Variants in NALCN observed in about 807,000 individuals in gnomAD.
NALCN encodes sodium leak channel NALCN.
A neutral mutation model predicts 225.3 loss-of-function variants in NALCN; 111 were observed. The observed-to-expected ratio is 0.49, with a 90% CI of 0.42 to 0.58. The LOEUF (loss-of-function observed/expected upper bound fraction) is 0.58. Ranked by LOEUF, NALCN falls within the 20% of genes least tolerant of loss-of-function variation. The pLI is 0.00. For synonymous variants in NALCN, 764 were observed against 769.0 expected (o/e 0.99, Z 0.11); for missense variants, 1,378 against 2,202.4 (o/e 0.63, Z 7.49).
chr13:101,317,681 T>C (rs1230826193), intron 7 of NALCN, among the ~76,000 whole-genome samples: 1 of 152,132 alleles, frequency 6.6e-6, no homozygotes. Flanking sequence ...ATGGACGCCC[T>C]CTCTTCCTGT....
chr13:101,413,780 A>G (rs1208893878), intron 1 of NALCN, among the ~76,000 whole-genome samples: 3 of 152,216 alleles, frequency 2.0e-5, no homozygotes, highest in Admixed American at 6.5e-5. Context: ...ATTTGCATAG[A>G]GTTTGAAGGT....
chr13:101,067,502 A>G (rs2032520904), intron 39 of NALCN, among the ~76,000 whole-genome samples: 1 of 152,200 alleles, frequency 6.6e-6, no homozygotes, highest in African/African-American at 2.4e-5. Context: ...AAATAATCCA[A>G]TACACACCTT....
chr13:101,296,174 A>G (rs1206690850), intron 7 of NALCN, among the ~76,000 whole-genome samples: 1 of 152,080 alleles, frequency 6.6e-6, no homozygotes, highest in Admixed American at 6.6e-5. Context: ...TGAATTCTCT[A>G]CCTTGTTTGT....
At chr13:101,395,394 G>A (rs773681671) in intron 2 of NALCN, 29 bp from the exon 3 acceptor site, 9 of 1,602,068 alleles carry the variant, frequency 5.6e-6, no homozygotes, top group South Asian at 2.2e-5. Context: ...GTTACTACAC[G>A]GCACCATAAC....
Position 101,103,185 on chromosome 13 carries a change from T to C in NALCN, c.3044A>G (p.Lys1015Arg), listed in dbSNP as rs762282214. The change falls in exon 26 of 44, where the codon AAG (lysine) becomes AGG (arginine). Residue 1015 changes from lysine to arginine, a missense_variant. Around this residue, in one of 19 missense-constraint regions of NALCN, gnomAD observed 292 missense variants for 409.5 expected, o/e 0.71. Transcript: ENST00000251127. Reference sequence around the variant, plus strand: ...ATTCTCACATACCAAAAAAATTTCCTTGAAGCCGCTGAAAAGTTCTCGAAC... The same window carrying C: ...ATTCTCACATACCAAAAAAATTTCCCTGAAGCCGCTGAAAAGTTCTCGAAC... ...KVVRELFSGF[K>R]EIFLVSILLL... 2 of 1,612,946 alleles carry C rather than the reference T, an allele frequency of 1.2e-6. No homozygotes were observed. Among genetic ancestry groups the C allele is most frequent in the Non-Finnish European group, 1.7e-6 (2 of 1,179,636 alleles).
intron 6 of NALCN, 51 bp from the exon 7 acceptor site, chr13:101,345,471 G>A: frequency 6.3e-7 from 1 of 1,580,620 alleles, no homozygotes. Flanking sequence ...CATAAATGTT[G>A]ATTACAATGA....
Position 101,230,745 on chromosome 13 carries a change from C to T in NALCN, c.1435-1161G>A, listed in dbSNP as rs558895784. Reference sequence around the variant, plus strand: ...TTCCCTGCATACTTACCAACTGCTGCAGAGAAATAAACTTCTGTCTTATGT... The same window carrying T: ...TTCCCTGCATACTTACCAACTGCTGTAGAGAAATAAACTTCTGTCTTATGT... On this transcript the variant is annotated intron_variant, in intron 12 of 43. Coordinates refer to ENST00000251127, the MANE Select transcript of NALCN (RefSeq NM_052867.4). Among the ~76,000 whole-genome samples, 28 of 152,256 alleles carry T rather than the reference C, an allele frequency of 1.8e-4. No homozygotes were observed. In the South Asian group the frequency reaches 5.4e-3, roughly 29 times the overall value.
chr13:101,135,533 G>A (rs1360807729), intron 17 of NALCN, among the ~76,000 whole-genome samples: 1 of 152,306 alleles, frequency 6.6e-6, no homozygotes, highest in East Asian at 1.9e-4. Flanking sequence ...CGAGTAGCTG[G>A]GACTATAGTT....
At chr13:101,231,247 A>G (rs142465854) in intron 12 of NALCN, among the ~76,000 whole-genome samples, 348 of 152,206 alleles carry the variant, frequency 2.3e-3, no homozygotes, top group African/African-American at 8.3e-3. Context: ...GATGTTTTGC[A>G]TACTCACATT....
At chr13:101,294,548 A>C (rs2043666324) in intron 7 of NALCN, among the ~76,000 whole-genome samples, 1 of 148,736 alleles carries the variant, frequency 6.7e-6, no homozygotes, top group South Asian at 2.1e-4. Flanking sequence ...ATAATGGCTA[A>C]GTTTATTGTT....
At chr13:101,143,426 T>C (rs1365110347) in intron 16 of NALCN, among the ~76,000 whole-genome samples, 1 of 152,190 alleles carries the variant, frequency 6.6e-6, no homozygotes, top group Non-Finnish European at 1.5e-5. Context: ...TTGAAATAAC[T>C]TTCAAGCAAT....
At chr13:101,343,537 A>T (rs1319144689) in intron 7 of NALCN, among the ~76,000 whole-genome samples, 1 of 152,244 alleles carries the variant, frequency 6.6e-6, no homozygotes, top group Non-Finnish European at 1.5e-5. Context: ...CTATTAGTAA[A>T]TATTTATGGA....
intron 6 of NALCN, among the ~76,000 whole-genome samples, chr13:101,359,766 C>T (rs79588916): frequency 0.032 from 4,915 of 152,204 alleles, 271 homozygotes; most frequent in African/African-American, 0.11. Context: ...CAGGCTCTTC[C>T]ACTTACTGAA....
At chr13:101,407,659 T>A (rs985629772) in intron 1 of NALCN, among the ~76,000 whole-genome samples, 1 of 152,232 alleles carries the variant, frequency 6.6e-6, no homozygotes, top group African/African-American at 2.4e-5. Context: ...GATTAAAAAT[T>A]GGAGGCAAAC....
intron 28 of NALCN, among the ~76,000 whole-genome samples, chr13:101,093,507 G>C (rs2034342634): frequency 6.6e-6 from 1 of 152,180 alleles, no homozygotes; most frequent in African/African-American, 2.4e-5. Context: ...AAATGGACAA[G>C]AGCACTTGTG....
intron 13 of NALCN, among the ~76,000 whole-genome samples, chr13:101,224,735 C>T (rs923523505): frequency 1.3e-5 from 2 of 152,158 alleles, no homozygotes; most frequent in Non-Finnish European, 2.9e-5. Context: ...ATCGGGCCAA[C>T]AAAATATTTC....
intron 10 of NALCN, among the ~76,000 whole-genome samples, chr13:101,282,821 CA>C (rs2043211672): frequency 6.6e-6 from 1 of 151,990 alleles, no homozygotes; most frequent in African/African-American, 2.4e-5. Context: ...CAAATAGAAA[CA>C]AAAAGAAGTA....
chr13:101,215,791 G>C (rs2040708179), intron 13 of NALCN, among the ~76,000 whole-genome samples: 1 of 152,000 alleles, frequency 6.6e-6, no homozygotes, highest in South Asian at 2.1e-4. Context: ...TGCCACGTTG[G>C]TGTGCTGCAC....
At position 101,089,589 on chromosome 13, in the gene NALCN, A is replaced by C; in HGVS notation, c.3489+74T>G. ...TTAAAGCGGCTTCACGCCGCGTGTG[A>C]AAAGAAACAAATAGCTCAAAGTGAG... On this transcript the variant is annotated intron_variant, in intron 30 of 43. Coordinates refer to ENST00000251127, the MANE Select transcript of NALCN (RefSeq NM_052867.4). This position sits in a 1 kb window ranked among gnomAD's most constrained non-coding sequence, Gnocchi z 4.7. 7.2e-7 allele frequency: 1 copy of C among 1,396,400 alleles called. No homozygotes were observed. The highest frequency in any genetic ancestry group is 1.0e-6 in the Non-Finnish European group (1 of 996,470). The allele number at this position is 1,396,400 out of a possible 1,614,324, so 86.5% of individuals were successfully genotyped here.
Sources: gnomAD v4.1 joint callset for allele counts (sites outside exome capture counted in the v4.1 genomes callset) on GRCh38, gnomAD v4.1.1 for gene constraint, gnomAD v4.1.1 regional missense constraint, Gnocchi (gnomAD v3.1) non-coding constraint, MANE v1.5 for transcripts, NCBI Gene and HGNC (gene_info 2026-07-23, HGNC 2026-07-21) for gene names.